SEC24B: variants seen among roughly 807,000 people sequenced by gnomAD.
SEC24B encodes the protein SEC24 homolog B, COPII component, also known as protein transport protein Sec24B.
In SEC24B, 45 loss-of-function variants were observed where a neutral mutation model predicts 142.8. The observed-to-expected ratio is 0.32, with a 90% CI of 0.25 to 0.40. SEC24B has a LOEUF of 0.40. SEC24B is among the 10% of genes least tolerant of loss of function. The probability of loss-of-function intolerance (pLI) is 1.00; values close to 1 mark genes in which losing one functional copy is unlikely to be tolerated. For synonymous variants in SEC24B, 574 were observed against 568.2 expected, an observed-to-expected ratio of 1.01 and a Z score of -0.15; for missense variants, 1,409 against 1,526.8, an observed-to-expected ratio of 0.92 and a Z score of 1.29.
intron 10 of SEC24B, among the ~76,000 whole-genome samples, chr4:109,514,393 T>G (rs936616354): frequency 6.6e-6 from 1 of 152,178 alleles, no homozygotes; most frequent in East Asian, 1.9e-4. Flanking sequence ...CTTCTCTTTT[T>G]AACATATTTA....
chr4:109,485,260 A>G (rs559710011), intron 4 of SEC24B, among the ~76,000 whole-genome samples: 2 of 152,392 alleles, frequency 1.3e-5, no homozygotes, highest in South Asian at 4.1e-4. Flanking sequence ...CAATTCTGCA[A>G]GGCAGAAATA....
intron 6 of SEC24B, among the ~76,000 whole-genome samples, 189 bp from the exon 7 acceptor site, chr4:109,506,139 A>G (rs867640619): frequency 6.6e-6 from 1 of 152,320 alleles, no homozygotes; most frequent in African/African-American, 2.4e-5. Context: ...CCTTGCTAAT[A>G]AGATTCAAAT....
chr4:109,511,436 A>G (rs1312916468), intron 8 of SEC24B, among the ~76,000 whole-genome samples: 1 of 152,234 alleles, frequency 6.6e-6, no homozygotes, highest in Non-Finnish European at 1.5e-5. Context: ...ACATAGAATA[A>G]TATGTGATCT....
intron 2 of SEC24B, among the ~76,000 whole-genome samples, chr4:109,472,445 G>C (rs1039207260): frequency 6.6e-6 from 1 of 152,148 alleles, no homozygotes; most frequent in African/African-American, 2.4e-5. Flanking sequence ...TTATGGTTAG[G>C]CTCTTACTTA....
Position 109,516,520 on chromosome 4 carries a change from C to G in SEC24B, c.2014-8C>G, listed in dbSNP as rs367726660. Reference sequence around the variant, plus strand: ...CCAAATAACTTACTTTATTTTTATTCCTTTCAGCTGCGTCCTCCTCAACCT... The same window carrying G: ...CCAAATAACTTACTTTATTTTTATTGCTTTCAGCTGCGTCCTCCTCAACCT... On this transcript the variant is annotated splice_polypyrimidine_tract_variant and splice_region_variant and intron_variant, in intron 10 of 23. Transcript: ENST00000265175. The G allele has an allele frequency of 1.3e-6, 2 of 1,555,144 alleles. No individual in the cohort carries two copies. The highest frequency in any genetic ancestry group is 3.5e-5 in the Admixed American group (2 of 57,702).
chr4:109,497,710 T>A (rs1321105605), intron 6 of SEC24B, among the ~76,000 whole-genome samples: 1 of 152,232 alleles, frequency 6.6e-6, no homozygotes, highest in Non-Finnish European at 1.5e-5. Flanking sequence ...TTATTTGTTC[T>A]ATTGTTGATG....
chr4:109,528,867 A>G (rs184675303), intron 18 of SEC24B, among the ~76,000 whole-genome samples: 70 of 152,348 alleles, frequency 4.6e-4, no homozygotes, highest in African/African-American at 1.7e-3. Context: ...TTTAAATAAC[A>G]GAAGCATTTA....
At position 109,521,475 on chromosome 4, in the gene SEC24B, C is replaced by G; in HGVS notation, c.2357C>G (p.Thr786Arg). Residue 786 changes from threonine to arginine, a missense_variant, in exon 14 of 24, where the codon ACA becomes AGA. By Grantham distance (71) the Thr-to-Arg change is moderately conservative (BLOSUM62 -1). This residue lies in a region of SEC24B where 700 missense variants were observed against 853.3 expected (regional missense o/e 0.82). Transcript: ENST00000265175. ...AACATGTTCACCAATACAAGAGAAA[C>G]ACACAGTGCCCTTGGTCCTGCACTT... ...LPNMFTNTRE[T>R]HSALGPALQA... is the part of the protein sequence containing the mutation. The G allele has an allele frequency of 6.2e-7, 1 of 1,614,082 alleles. No individual in the cohort carries two copies.
chr4:109,460,226 T>A (rs1187893519), intron 1 of SEC24B, among the ~76,000 whole-genome samples: 1 of 152,196 alleles, frequency 6.6e-6, no homozygotes, highest in Non-Finnish European at 1.5e-5. Context: ...TCCATTACAT[T>A]ACTTAGTACA....
chr4:109,469,404 C>T (rs1418775261), intron 2 of SEC24B, among the ~76,000 whole-genome samples: 1 of 152,180 alleles, frequency 6.6e-6, no homozygotes, highest in African/African-American at 2.4e-5. Context: ...TGAGTAAAAA[C>T]ACTTAGTGCT....
intron 4 of SEC24B, among the ~76,000 whole-genome samples, chr4:109,490,631 G>A (rs1030897182): frequency 6.6e-6 from 1 of 152,116 alleles, no homozygotes; most frequent in Non-Finnish European, 1.5e-5. Flanking sequence ...TTCTTTTCAT[G>A]TGACCTGTGA....
chr4:109,453,849 C>T (rs952457960), intron 1 of SEC24B, among the ~76,000 whole-genome samples: 3 of 152,124 alleles, frequency 2.0e-5, no homozygotes, highest in Non-Finnish European at 2.9e-5. Flanking sequence ...CAGGTCCTGC[C>T]GTTCGGTATC....
At chr4:109,487,799 T>TC (rs1336119013) in intron 4 of SEC24B, among the ~76,000 whole-genome samples, 1 of 152,242 alleles carries the variant, frequency 6.6e-6, no homozygotes, top group Admixed American at 6.5e-5. Flanking sequence ...AGTCATTTTT[T>TC]CTTCTGAAAG....
intron 4 of SEC24B, among the ~76,000 whole-genome samples, chr4:109,489,251 T>C (rs1421411257): frequency 6.6e-6 from 1 of 152,060 alleles, no homozygotes; most frequent in Non-Finnish European, 1.5e-5. Flanking sequence ...TATGATCCAT[T>C]TTGAGTTAGT....
At chr4:109,453,445 C>A (rs1383592522) in intron 1 of SEC24B, among the ~76,000 whole-genome samples, 1 of 35,464 alleles carries the variant, frequency 2.8e-5, no homozygotes, top group Non-Finnish European at 5.1e-5. Context: ...TTTAGGCCCC[C>A]CCCCCCCCCC....
chr4:109,512,790 T>C (rs1318252688), intron 9 of SEC24B, among the ~76,000 whole-genome samples: 1 of 151,304 alleles, frequency 6.6e-6, no homozygotes, highest in Non-Finnish European at 1.5e-5. Context: ...GCCTCCCAAG[T>C]AGCTGAGACT....
Position 109,530,352 on chromosome 4 carries a change from T to C in SEC24B, c.3140T>C (p.Val1047Ala). The C allele has an allele frequency of 1.2e-6, 2 of 1,614,200 alleles. No individual in the cohort carries two copies. The highest frequency in any genetic ancestry group is 1.7e-6 in the Non-Finnish European group (2 of 1,180,016). Residue 1047 changes from valine (V) to alanine (A), a missense_variant, in exon 19 of 24, where the codon GTG becomes GCG. By Grantham distance (64) the Val-to-Ala change is moderately conservative. Transcript: ENST00000265175. The stretch of plus-strand genomic sequence containing the variant: ...AGAGATGCCTTAGTGAATGCTGTAG[T>C]GGACTCATTGTCTGCATATGGCTCA... The part of the protein sequence containing the change: ...DARDALVNAV[V>A]DSLSAYGSTV...
At chr4:109,500,852 T>C (rs1408244491) in intron 6 of SEC24B, among the ~76,000 whole-genome samples, 1 of 152,032 alleles carries the variant, frequency 6.6e-6, no homozygotes, top group Non-Finnish European at 1.5e-5. Context: ...AGAGATGGGG[T>C]TTCACCATGT....
chr4:109,453,402 A>G (rs1730311815), intron 1 of SEC24B, among the ~76,000 whole-genome samples: 1 of 139,004 alleles, frequency 7.2e-6, no homozygotes, highest in Admixed American at 8.0e-5. Context: ...CTTATCTGCA[A>G]CTGCATAAGG....
Sources: allele counts gnomAD v4.1 joint callset (sites outside exome capture counted in the v4.1 genomes callset), GRCh38; gene constraint gnomAD v4.1.1; regional missense constraint gnomAD v4.1.1; transcripts MANE v1.5; gene names NCBI Gene and HGNC (gene_info 2026-07-23, HGNC 2026-07-21).